Variants in MAML1 observed in about 807,000 individuals in gnomAD.
The protein encoded by MAML1 is mastermind-like protein 1.
A neutral mutation model predicts 77.1 loss-of-function variants in MAML1; 14 were observed. The ratio of observed to expected loss-of-function variants is 0.18; its 90% CI spans 0.12 to 0.28. The LOEUF is 0.28. Among genes scored for constraint, MAML1 ranks in the 10% least tolerant of loss-of-function variants. The probability of loss-of-function intolerance (pLI) is 1.00; values close to 1 mark genes in which losing one functional copy is unlikely to be tolerated. For missense variants in MAML1, 1,217 were observed against 1,327.8 expected, an observed-to-expected ratio of 0.92 and a Z score of 1.30; for synonymous variants, 516 against 551.9, an observed-to-expected ratio of 0.93 and a Z score of 0.91.
Position 179,766,060 on chromosome 5 carries a change from C to T in MAML1, c.1050C>T (p.Thr350=). The change falls in exon 2 of 5, where the codon ACC becomes ACT. Residue 350 remains threonine (T), a synonymous_variant. Transcript: ENST00000292599. This position sits in a 1 kb window ranked among gnomAD's most constrained non-coding sequence, Gnocchi z 4.0. ...GGGGCTCCCAAACCTTATTCCACAC[C>T]TCTGGTCAGCCCCGGGCGGACAATC... ...SLGGSQTLFH[T]SGQPRADNPS... 1.3e-6 allele frequency: 2 copies of T among 1,589,986 alleles called. No homozygotes were observed. The highest frequency in any genetic ancestry group is 8.6e-7 in the Non-Finnish European group (1 of 1,169,498).
At position 179,775,517 on chromosome 5, in the gene MAML1, G is replaced by A. The variant is rs188628535; in HGVS notation, c.*640G>A. ...TCCCTAAGTGCAGGCTGTTGACTGC[G>A]TATGCCAAAAAGGGACAGGAGGCAT... On this transcript the variant is annotated 3_prime_UTR_variant, in exon 5 of 5. Transcript: ENST00000292599. 41 of 985,322 alleles carry A rather than the reference G, an allele frequency of 4.2e-5. No homozygotes were observed. The highest frequency in any genetic ancestry group is 6.1e-5 in the Admixed American group (1 of 16,284). 61.0% of individuals were successfully genotyped at this position (985,322 alleles called of 1,614,324 possible). A position where few individuals can be genotyped will look rare whatever the true frequency, so the allele number is the denominator to read the frequency against.
chr5:179,761,484 G>T (rs1320458204), intron 1 of MAML1, among the ~76,000 whole-genome samples: 1 of 152,258 alleles, frequency 6.6e-6, no homozygotes, highest in African/African-American at 2.4e-5. Context: ...ATCACCTGAG[G>T]TCAGGAGTTT....
chr5:179,763,831 A>G (rs1779763245), intron 1 of MAML1, among the ~76,000 whole-genome samples: 1 of 148,544 alleles, frequency 6.7e-6, no homozygotes. Flanking sequence ...TAAAGATAAT[A>G]ATGAGGGCTG....
In MAML1 at chr5:179,735,641, TCGGCCTCCC is replaced by T. The variant is rs1196650547; in HGVS notation, c.315+2215_315+2223del. 2.0e-5 allele frequency among the ~76,000 whole-genome samples: 3 copies of T among 151,914 alleles called. No homozygotes were observed. In the East Asian group the frequency reaches 5.8e-4, roughly 29 times the overall value. Reference sequence around the variant, plus strand: ...CCTGACCTCAGATAATCCACCCACCTCGGCCTCCCAAAGTGCTGGGATTACAGGTGTGAG... The same window carrying T: ...CCTGACCTCAGATAATCCACCCACCTAAAGTGCTGGGATTACAGGTGTGAG... On this transcript the variant is annotated intron_variant, in intron 1 of 4. Transcript: ENST00000292599.
chr5:179,754,339 A>G (rs1419642441), intron 1 of MAML1, among the ~76,000 whole-genome samples: 1 of 152,202 alleles, frequency 6.6e-6, no homozygotes, highest in Non-Finnish European at 1.5e-5. Context: ...TCACGCCTGC[A>G]GTCCTAGCCT....
At chr5:179,750,648 G>T (rs570266064) in intron 1 of MAML1, among the ~76,000 whole-genome samples, 1 of 152,022 alleles carries the variant, frequency 6.6e-6, no homozygotes, top group African/African-American at 2.4e-5. Flanking sequence ...TTTTGTAGAG[G>T]TGGGGTCTTG....
Position 179,766,232 on chromosome 5 carries a change from C to G in MAML1, c.1222C>G (p.Arg408Gly), listed in dbSNP as rs767452281. 1.9e-6 allele frequency: 3 copies of G among 1,613,626 alleles called. No homozygotes were observed. The highest frequency in any genetic ancestry group is 2.5e-6 in the Non-Finnish European group (3 of 1,179,884). ...CCAGCAGATCGCTGCCAAGCAGAAG[C>G]GCGAGCAGATGCTCCAGAACCCACA... ...QLQQIAAKQKREQMLQNPQQA... is the reference protein window; with the variant it reads ...QLQQIAAKQKGEQMLQNPQQA... The change falls in exon 2 of 5, where the codon CGC becomes GGC. Residue 408 changes from arginine (R) to glycine (G), a missense_variant. By Grantham distance (125) the Arg-to-Gly change is moderately radical. This residue lies in a region of MAML1 where 884 missense variants were observed against 949.3 expected (regional missense o/e 0.93). Coordinates refer to ENST00000292599, the MANE Select transcript of MAML1 (RefSeq NM_014757.5). The surrounding 1 kb of genome is among the most constrained non-coding windows in gnomAD (Gnocchi z 4.0).
At position 179,774,023 on chromosome 5, in the gene MAML1, A is replaced by G. The variant is rs1756068541; in HGVS notation, c.2197A>G (p.Thr733Ala). The change falls in exon 5 of 5, where the codon ACA becomes GCA. Residue 733 changes from threonine (T) to alanine (A), a missense_variant. This residue lies in a region of MAML1 where 884 missense variants were observed against 949.3 expected (regional missense o/e 0.93). Coordinates refer to ENST00000292599, the MANE Select transcript of MAML1 (RefSeq NM_014757.5). The stretch of plus-strand genomic sequence containing the variant: ...ACATGCTTCAGTTTCCTCTCTCCCC[A>G]CAAACTCAGGCCAACAGGACCGGGG... Reference protein sequence around the residue: ...PGHASVSSLPTNSGQQDRGVA... With the variant: ...PGHASVSSLPANSGQQDRGVA... 6.2e-7 allele frequency: 1 copy of G among 1,614,124 alleles called. No individual in the cohort carries two copies. Among genetic ancestry groups the G allele is most frequent in the South Asian group, 1.1e-5 (1 of 91,082 alleles).
chr5:179,752,984 G>A (rs568913085), intron 1 of MAML1, among the ~76,000 whole-genome samples: 1 of 152,238 alleles, frequency 6.6e-6, no homozygotes, highest in Non-Finnish European at 1.5e-5. Flanking sequence ...TGTTGGCCAG[G>A]CTGGTCTTGA....
intron 1 of MAML1, among the ~76,000 whole-genome samples, chr5:179,755,409 G>A (rs899506099): frequency 6.6e-6 from 1 of 152,222 alleles, no homozygotes; most frequent in Non-Finnish European, 1.5e-5. Context: ...AAAAGGGCAA[G>A]GCTTTGGTCT....
chr5:179,769,556 GTTC>G lies in MAML1; in HGVS notation c.1971+470_1971+472del, dbSNP rs888198667. Among the ~76,000 whole-genome samples, 4 of 151,202 alleles carry G rather than the reference GTTC, an allele frequency of 2.6e-5. No individual in the cohort carries two copies. The highest frequency in any genetic ancestry group is 7.3e-5 in the African/African-American group (3 of 40,868). On this transcript the variant is annotated intron_variant, in intron 3 of 4. Transcript: ENST00000292599. The surrounding 1 kb of genome is among the most constrained non-coding windows in gnomAD (Gnocchi z 4.2). ...CAGGCACTAAGGGTTACAAGTGAGA[GTTC>G]TTTTTTTTTTTTGGAGACAGAGTCT...
In MAML1 at chr5:179,766,573, C is replaced by T. The variant is rs1431148345; in HGVS notation, c.1563C>T (p.Tyr521=). The T allele has an allele frequency of 6.2e-7, 1 of 1,610,810 alleles. No homozygotes were observed. Among genetic ancestry groups the T allele is most frequent in the Non-Finnish European group, 8.5e-7 (1 of 1,177,870 alleles). Residue 521 remains tyrosine, a synonymous_variant, in exon 2 of 5, where the codon TAC becomes TAT. Coordinates refer to ENST00000292599, the MANE Select transcript of MAML1 (RefSeq NM_014757.5). The surrounding 1 kb of genome is among the most constrained non-coding windows in gnomAD (Gnocchi z 4.0). Reference sequence around the variant, plus strand: ...GCAATACAAAACCCCTTTCTCATTACAAAGCGGACTGTGGGCAAGGCAGCC... The same window carrying T: ...GCAATACAAAACCCCTTTCTCATTATAAAGCGGACTGTGGGCAAGGCAGCC... The part of the protein sequence containing the change: ...DYGNTKPLSH[Y]KADCGQGSPG...
At chr5:179,748,341 C>CA (rs1554149701) in intron 1 of MAML1, among the ~76,000 whole-genome samples, 1 of 152,110 alleles carries the variant, frequency 6.6e-6, no homozygotes, top group African/African-American at 2.4e-5. Context: ...CTCAGCCTCT[C>CA]AAAGTGCTGG....
At chr5:179,757,595 A>G (rs1396158655) in intron 1 of MAML1, among the ~76,000 whole-genome samples, 2 of 151,980 alleles carry the variant, frequency 1.3e-5, no homozygotes, top group African/African-American at 4.8e-5. Flanking sequence ...AGCAATGTGG[A>G]GTTTTAAAGC....
intron 1 of MAML1, among the ~76,000 whole-genome samples, chr5:179,754,332 C>T (rs577000716): frequency 5.3e-5 from 8 of 152,192 alleles, no homozygotes; most frequent in South Asian, 2.1e-4. Flanking sequence ...TGGTGGTTCA[C>T]GCCTGCAGTC....
rs759332764 is a variant in MAML1 at position 179,766,765 on chromosome 5, G to C, written c.1731+24G>C. The C allele has an allele frequency of 6.6e-7, 1 of 1,503,994 alleles. No individual in the cohort carries two copies. The highest frequency in any genetic ancestry group is 8.9e-7 in the Non-Finnish European group (1 of 1,122,718). The allele number at this position is 1,503,994 out of a possible 1,614,324, so 93.2% of individuals were successfully genotyped here. On this transcript the variant is annotated intron_variant, in intron 2 of 4. Coordinates refer to ENST00000292599, the MANE Select transcript of MAML1 (RefSeq NM_014757.5). This position sits in a 1 kb window ranked among gnomAD's most constrained non-coding sequence, Gnocchi z 4.0. The stretch of plus-strand genomic sequence containing the variant: ...AGGTAAGTATGAGCCTTTGCTTTCT[G>C]TTCCTCTGCTGCAGACACTTCAGTG...
chr5:179,733,090 C>T lies in MAML1; in HGVS notation c.-23C>T. ...GGCCCCGAGAGGCCCGGCCCCGGGC[C>T]CGGCCCGTGCAGCCCGCGGCCCATG... On this transcript the variant is annotated 5_prime_UTR_variant, in exon 1 of 5. Transcript: ENST00000292599. 1 of 1,338,742 alleles carries T rather than the reference C, an allele frequency of 7.5e-7. No individual in the cohort carries two copies. The highest frequency in any genetic ancestry group is 3.3e-5 in the East Asian group (1 of 30,068). The allele number at this position is 1,338,742 out of a possible 1,614,324, so 82.9% of individuals were successfully genotyped here.
chr5:179,757,499 C>T (rs1421274993), intron 1 of MAML1, among the ~76,000 whole-genome samples: 2 of 151,654 alleles, frequency 1.3e-5, no homozygotes, highest in African/African-American at 4.8e-5. Context: ...ACCTGGGAGG[C>T]GGAGGTTGCA....
intron 1 of MAML1, among the ~76,000 whole-genome samples, chr5:179,748,920 A>G (rs1779433251): frequency 6.6e-6 from 1 of 151,838 alleles, no homozygotes; most frequent in Admixed American, 6.6e-5. Flanking sequence ...CTAACTATAC[A>G]ACAAGAATAA....
Sources: allele counts gnomAD v4.1 joint callset (sites outside exome capture counted in the v4.1 genomes callset), GRCh38; gene constraint gnomAD v4.1.1; regional missense constraint gnomAD v4.1.1; non-coding constraint Gnocchi (gnomAD v3.1); transcripts MANE v1.5; gene names NCBI Gene and HGNC (gene_info 2026-07-23, HGNC 2026-07-21).